The following ROBO1 variants were observed in gnomAD, a reference collection of about 807,000 sequenced individuals.
The protein encoded by ROBO1 is roundabout homolog 1.
In ROBO1, 149 loss-of-function variants were observed where a neutral mutation model predicts 195.9. The ratio of observed to expected loss-of-function variants is 0.76; its 90% confidence interval spans 0.67 to 0.87. The LOEUF (loss-of-function observed/expected upper bound fraction) is 0.87, where lower values mean the gene tolerates loss of function less well. Among genes scored for constraint, ROBO1 ranks in the 40% least tolerant of loss-of-function variants. ROBO1 has a pLI of 0.00. For missense variants in ROBO1, 1,933 were observed against 2,068.3 expected, an observed-to-expected ratio of 0.93 and a Z score of 1.27; for synonymous variants, 816 against 733.2, an observed-to-expected ratio of 1.11 and a Z score of -1.82.
chr3:79,701,217 G>A (rs1947613612), intron 1 of ROBO1, among the ~76,000 whole-genome samples: 1 of 151,580 alleles, frequency 6.6e-6, no homozygotes, highest in African/African-American at 2.4e-5. Context: ...TGCTGTTTTG[G>A]TTACTGTGGC....
intron 2 of ROBO1, among the ~76,000 whole-genome samples, chr3:79,312,644 A>C (rs542159229): frequency 6.6e-6 from 1 of 152,312 alleles, no homozygotes; most frequent in Non-Finnish European, 1.5e-5. Context: ...AGATGTCTTC[A>C]GGCCTCTCTG....
At chr3:78,747,278 T>A (rs906980588) in intron 4 of ROBO1, among the ~76,000 whole-genome samples, 1 of 152,176 alleles carries the variant, frequency 6.6e-6, no homozygotes, top group African/African-American at 2.4e-5. Flanking sequence ...TGCCACAGGA[T>A]AATGCTTTCT....
At chr3:78,609,832 T>C (rs565163276) in intron 28 of ROBO1, among the ~76,000 whole-genome samples, 6 of 152,326 alleles carry the variant, frequency 3.9e-5, no homozygotes, top group East Asian at 3.9e-4. Flanking sequence ...TTTAACCTAG[T>C]ATTTCTCATA....
At chr3:79,714,226 A>G (rs1461617502) in intron 1 of ROBO1, among the ~76,000 whole-genome samples, 3 of 152,174 alleles carry the variant, frequency 2.0e-5, no homozygotes, top group African/African-American at 7.2e-5. Context: ...ACATTTATGC[A>G]GCCAAAAAAA....
At chr3:78,651,670 C>T (rs1706667728) in intron 19 of ROBO1, 62 bp downstream of exon 19, 1 of 1,294,076 alleles carries the variant, frequency 7.7e-7, no homozygotes. Context: ...AATTTGGAAT[C>T]AAATATTAAA....
At chr3:79,570,724 T>C (rs1287295340) in intron 2 of ROBO1, among the ~76,000 whole-genome samples, 1 of 152,202 alleles carries the variant, frequency 6.6e-6, no homozygotes, top group Non-Finnish European at 1.5e-5. Flanking sequence ...TTAGGTATGA[T>C]ATTCCTTAAT....
chr3:79,401,786 A>G (rs973481062), intron 2 of ROBO1, among the ~76,000 whole-genome samples: 2 of 151,892 alleles, frequency 1.3e-5, no homozygotes, highest in African/African-American at 4.8e-5. Flanking sequence ...AAAATTTCTA[A>G]CACTTAAAAT....
intron 19 of ROBO1, 96 bp downstream of exon 19, chr3:78,651,636 T>C: frequency 2.0e-6 from 2 of 1,003,860 alleles, no homozygotes; most frequent in Non-Finnish European, 2.8e-6. Context: ...AAACAAGTTT[T>C]AGAGGATATG....
chr3:78,763,809 G>A (rs888269043), intron 4 of ROBO1, among the ~76,000 whole-genome samples: 1 of 152,100 alleles, frequency 6.6e-6, no homozygotes, highest in Non-Finnish European at 1.5e-5. Flanking sequence ...AGTTTTAACC[G>A]GCAAAGCGAT....
chr3:79,349,934 A>G (rs1245950861), intron 2 of ROBO1, among the ~76,000 whole-genome samples: 1 of 152,208 alleles, frequency 6.6e-6, no homozygotes, highest in Non-Finnish European at 1.5e-5. Context: ...GCAACAATAG[A>G]AAAAAACAGA....
In ROBO1 at chr3:79,640,853, G is replaced by A. The variant is rs577514249; in HGVS notation, c.-50-50892C>T. Among the ~76,000 whole-genome samples, 4 of 152,250 alleles carry A rather than the reference G, an allele frequency of 2.6e-5. No individual in the cohort carries two copies. The East Asian group carries it at 7.7e-4, about 29-fold the overall frequency. ...CCAATAGGAATCATTGATATTCAAA[G>A]TCAAGAGTTAAATCCCGGAGCTCAC... On this transcript the variant is annotated intron_variant, in intron 1 of 30. Transcript: ENST00000464233.
chr3:78,633,346 G>GT (rs1242741841), intron 24 of ROBO1, among the ~76,000 whole-genome samples: 2 of 152,200 alleles, frequency 1.3e-5, no homozygotes, highest in Admixed American at 1.3e-4. Context: ...GCAAACAGCT[G>GT]TAACAGCATG....
intron 4 of ROBO1, among the ~76,000 whole-genome samples, chr3:78,783,672 C>G (rs2083747644): frequency 6.6e-6 from 1 of 152,114 alleles, no homozygotes; most frequent in Non-Finnish European, 1.5e-5. Context: ...CCTCTCTCTA[C>G]CTATGGGAAA....
At chr3:79,695,310 A>C (rs112018225) in intron 1 of ROBO1, among the ~76,000 whole-genome samples, 2 of 151,806 alleles carry the variant, frequency 1.3e-5, no homozygotes, top group African/African-American at 4.8e-5. Flanking sequence ...TTGTACAAAG[A>C]ATCTACTCTC....
chr3:79,279,713 T>C (rs1162347841), intron 2 of ROBO1, among the ~76,000 whole-genome samples: 1 of 152,140 alleles, frequency 6.6e-6, no homozygotes, highest in African/African-American at 2.4e-5. Flanking sequence ...AGTGCTGCAA[T>C]AAACAAGGAG....
intron 9 of ROBO1, 122 bp from the exon 10 acceptor site, chr3:78,686,039 A>G (rs1054956118): frequency 1.3e-6 from 1 of 776,518 alleles, no homozygotes; most frequent in Non-Finnish European, 2.0e-6. Flanking sequence ...ACACATATGC[A>G]TATGTATCCG....
Position 78,699,378 on chromosome 3 carries a change from C to T in ROBO1, c.1046-10606G>A, listed in dbSNP as rs1055939407. ...CAGCCTGGTCAACATGGGGAAACCC[C>T]GTCTCTACTAAAAATACAAAAAAAA... On this transcript the variant is annotated intron_variant, in intron 8 of 30. Transcript: ENST00000464233. Among the ~76,000 whole-genome samples the T allele has an allele frequency of 2.0e-4, 28 of 137,304 alleles. No homozygotes were observed. In the Middle Eastern group the frequency reaches 0.017, roughly 85 times the overall value. 90.1% of individuals were successfully genotyped at this position (137,304 alleles called of 152,430 possible).
chr3:79,208,687 A>ATGTGTGTGTGTGTGTGTG (rs59970776), intron 2 of ROBO1, among the ~76,000 whole-genome samples: 1 of 145,214 alleles, frequency 6.9e-6, no homozygotes, highest in East Asian at 2.1e-4. Flanking sequence ...GTGGTGGGGC[A>ATGTGTGTGTGTGTGTGTG]TGTGTGTGTG....
At chr3:78,863,926 T>G (rs1453644359) in intron 4 of ROBO1, among the ~76,000 whole-genome samples, 1 of 152,182 alleles carries the variant, frequency 6.6e-6, no homozygotes, top group African/African-American at 2.4e-5. Flanking sequence ...GAGAATAACA[T>G]AACTTTTTAT....
Sources: gnomAD v4.1 joint callset for allele counts (sites outside exome capture counted in the v4.1 genomes callset) on GRCh38, gnomAD v4.1.1 for gene constraint, MANE v1.5 for transcripts, NCBI Gene and HGNC (gene_info 2026-07-23, HGNC 2026-07-21) for gene names.